The following SLC9B2 variants were observed in gnomAD, a reference collection of about 807,000 sequenced individuals.
The protein encoded by SLC9B2 is solute carrier family 9 member B2, also known as sodium/hydrogen exchanger 9B2.
SLC9B2 carries 39 observed loss-of-function variants against 52.2 expected under a neutral mutation model. That is an observed-to-expected ratio of 0.75 (90% CI 0.58 to 0.98). The LOEUF (loss-of-function observed/expected upper bound fraction) is 0.98, where lower values mean the gene tolerates loss of function less well. Among genes scored for constraint, SLC9B2 ranks in the 50% least tolerant of loss-of-function variants. SLC9B2 has a pLI of 0.00. For missense variants in SLC9B2, 626 were observed against 637.5 expected (o/e 0.98, Z 0.19); for synonymous variants, 214 against 227.0 (o/e 0.94, Z 0.51).
rs553586443 is a variant in SLC9B2 at position 103,022,741 on chromosome 4, C to G, written c.*3629G>C. Among the ~76,000 whole-genome samples the G allele has an allele frequency of 6.9e-4, 105 of 152,286 alleles. No homozygotes were observed. The highest frequency in any genetic ancestry group is 2.4e-3 in the African/African-American group (98 of 41,552). ...CTTTCAGGGACTGAATTATGTCCTT[C>G]CCCACACATTCATATGTTGAAGCCT... is the stretch of plus-strand genomic sequence containing the variant. On this transcript the variant is annotated 3_prime_UTR_variant, in exon 12 of 12. Transcript: ENST00000394785.
At position 103,025,272 on chromosome 4, in the gene SLC9B2, T is replaced by G. The variant is rs1245240945; in HGVS notation, c.*1098A>C. 1.3e-5 allele frequency among the ~76,000 whole-genome samples: 2 copies of G among 152,214 alleles called. No individual in the cohort carries two copies. Among genetic ancestry groups the G allele is most frequent in the Non-Finnish European group, 2.9e-5 (2 of 68,024 alleles). ...TAACCCATTTATGCCTAGTGTTCCA[T>G]TATTAGAATGCTAAGCCTGTGGGAG... On this transcript the variant is annotated 3_prime_UTR_variant, in exon 12 of 12. Transcript: ENST00000394785.
downstream of SLC9B2, chr4:103,020,499 C>T (rs1741708725): frequency 3.1e-6 from 1 of 323,424 alleles, no homozygotes; most frequent in South Asian, 2.4e-5. Context: ...TACTCTTGAA[C>T]ACTGTATTCC....
Position 103,025,239 on chromosome 4 carries a change from T to A in SLC9B2, c.*1131A>T, listed in dbSNP as rs1309114523. On this transcript the variant is annotated 3_prime_UTR_variant, in exon 12 of 12. Transcript: ENST00000394785. Reference sequence around the variant, plus strand: ...AGATAGAATGGAGATATGGTAGAGATCCATTTTTAACCCATTTATGCCTAG... The same window carrying A: ...AGATAGAATGGAGATATGGTAGAGAACCATTTTTAACCCATTTATGCCTAG... Among the ~76,000 whole-genome samples, 3 of 152,208 alleles carry A rather than the reference T, an allele frequency of 2.0e-5. No homozygotes were observed. The highest frequency in any genetic ancestry group is 4.4e-5 in the Non-Finnish European group (3 of 68,034).
chr4:103,071,636 CA>C (rs1746648605), intron 1 of SLC9B2, among the ~76,000 whole-genome samples: 1 of 151,958 alleles, frequency 6.6e-6, no homozygotes, highest in African/African-American at 2.4e-5. Context: ...CTCAGCCTCC[CA>C]AAGTGCTGGG....
chr4:103,076,992 C>T (rs1435501957), upstream of SLC9B2: 1 of 152,260 alleles, frequency 6.6e-6, no homozygotes, highest in Non-Finnish European at 1.5e-5. Context: ...TTCTGCCCCC[C>T]TTTATCGCTT....
chr4:103,058,789 G>A (rs1745382192), intron 3 of SLC9B2, among the ~76,000 whole-genome samples: 1 of 150,104 alleles, frequency 6.7e-6, no homozygotes, highest in Admixed American at 6.6e-5. Context: ...AATAGGCCAG[G>A]CATGGTGGTT....
intron 4 of SLC9B2, among the ~76,000 whole-genome samples, chr4:103,057,562 C>A (rs1578470978): frequency 6.6e-6 from 1 of 152,128 alleles, no homozygotes; most frequent in African/African-American, 2.4e-5. Context: ...CTACCTTGGC[C>A]TCCCAAAGTG....
In SLC9B2 at chr4:103,026,212, C is replaced by T. The variant is rs1004498896; in HGVS notation, c.*158G>A. The stretch of plus-strand genomic sequence containing the variant: ...GGTTGGTGATATAGATCATTACCAC[C>T]CACATGGAAAGAGCAAGGGCTAAAA... On this transcript the variant is annotated 3_prime_UTR_variant, in exon 12 of 12. Transcript: ENST00000394785. 4.9e-5 allele frequency: 30 copies of T among 607,818 alleles called. No homozygotes were observed. In the East Asian group the frequency reaches 8.7e-4, roughly 18 times the overall value. The allele number at this position is 607,818 out of a possible 1,614,324, so 37.7% of individuals were successfully genotyped here. A position where few individuals can be genotyped will look rare whatever the true frequency, so the allele number is the denominator to read the frequency against.
intron 9 of SLC9B2, among the ~76,000 whole-genome samples, chr4:103,034,512 G>A (rs895180141): frequency 7.9e-5 from 12 of 152,082 alleles, no homozygotes; most frequent in Non-Finnish European, 4.4e-5. Context: ...GGAGTAAACA[G>A]ACAACCTTTA....
rs892296311 is a variant in SLC9B2 at position 103,050,602 on chromosome 4, T to A, written c.443-220A>T. Reference sequence around the variant, plus strand: ...ATTATAATAATTAATATTCCCAAAATAACTGAACTTAAAAGGGAGACAAGA... The same window carrying A: ...ATTATAATAATTAATATTCCCAAAAAAACTGAACTTAAAAGGGAGACAAGA... On this transcript the variant is annotated intron_variant, in intron 4 of 11. Transcript: ENST00000394785. 2.8e-4 allele frequency among the ~76,000 whole-genome samples: 42 copies of A among 152,178 alleles called. 5 individuals are homozygous for A. The highest frequency in any genetic ancestry group is 2.4e-3 in the Admixed American group (37 of 15,272).
At chr4:103,039,176 G>A (rs933800566) in intron 9 of SLC9B2, among the ~76,000 whole-genome samples, 1 of 152,158 alleles carries the variant, frequency 6.6e-6, no homozygotes, top group Non-Finnish European at 1.5e-5. Context: ...GTAGAACTGG[G>A]ATTGGCATCC....
At chr4:103,019,725 G>C (rs1436974470), downstream of SLC9B2, 3 of 985,450 alleles carry the variant, frequency 3.0e-6, no homozygotes, top group African/African-American at 5.2e-5. Context: ...CTTCCGCGCA[G>C]GGGCGGGGCG....
chr4:103,019,726 G>C, downstream of SLC9B2: 1 of 985,590 alleles, frequency 1.0e-6, no homozygotes, highest in Admixed American at 6.1e-5. Context: ...TTCCGCGCAG[G>C]GGCGGGGCGG....
chr4:103,030,160 CCAATCAACAATTGGATATA>C (rs1034223781), intron 10 of SLC9B2, among the ~76,000 whole-genome samples: 1 of 152,020 alleles, frequency 6.6e-6, no homozygotes, highest in African/African-American at 2.4e-5. Flanking sequence ...GTGGTGCTGT[CCAATCAACAATTGGATATA>C]TTGATTTAGA....
chr4:103,072,061 T>TTTTTTTTTTC, intron 1 of SLC9B2, among the ~76,000 whole-genome samples: 1 of 140,884 alleles, frequency 7.1e-6, no homozygotes, highest in Admixed American at 7.0e-5. Context: ...TTCATGTTTT[T>TTTTTTTTTTC]TTTTTTTTTT....
downstream of SLC9B2, chr4:103,019,901 G>A: frequency 2.0e-6 from 2 of 986,686 alleles, no homozygotes; most frequent in Non-Finnish European, 1.2e-6. Context: ...GAAATCCAGG[G>A]ACAGAGTTGA....
chr4:103,031,618 G>C, intron 10 of SLC9B2, 82 bp downstream of exon 10: 4 of 948,856 alleles, frequency 4.2e-6, no homozygotes, highest in Non-Finnish European at 6.6e-6. Flanking sequence ...ATATTTCAAT[G>C]AATATAAAAA....
chr4:103,057,244 G>GTATATATA (rs56742547), intron 4 of SLC9B2, among the ~76,000 whole-genome samples: 2,186 of 137,090 alleles, frequency 0.016, 23 homozygotes, highest in Non-Finnish European at 0.024. Context: ...TTAATTTTAA[G>GTATATATA]TATATATATA....
intron 7 of SLC9B2, 48 bp downstream of exon 7, chr4:103,047,003 C>A: frequency 6.4e-7 from 1 of 1,573,626 alleles, no homozygotes. Flanking sequence ...TTTTAACCTA[C>A]GTCCCTAGAA....
Sources: allele counts gnomAD v4.1 joint callset (sites outside exome capture counted in the v4.1 genomes callset), GRCh38; gene constraint gnomAD v4.1.1; transcripts MANE v1.5; gene names NCBI Gene and HGNC (gene_info 2026-07-23, HGNC 2026-07-21).